LONP2: variants seen among roughly 807,000 people sequenced by gnomAD.
LONP2 encodes the protein lon peptidase 2, peroxisomal, also known as lon protease homolog 2, peroxisomal.
A neutral mutation model predicts 85.6 loss-of-function variants in LONP2; 60 were observed. The ratio of observed to expected loss-of-function variants is 0.70; its 90% confidence interval spans 0.57 to 0.87. The LOEUF (loss-of-function observed/expected upper bound fraction) is 0.87. Ranked by LOEUF, LONP2 falls within the 40% of genes least tolerant of loss-of-function variation. The pLI, the probability that LONP2 is intolerant of heterozygous loss-of-function variation, is 0.00. For synonymous variants in LONP2, 395 were observed against 389.7 expected (o/e 1.01, Z -0.16); for missense variants, 860 against 1,063.5 (o/e 0.81, Z 2.66).
At chr16:48,295,644 A>G (rs1440342075) in intron 8 of LONP2, among the ~76,000 whole-genome samples, 1 of 152,204 alleles carries the variant, frequency 6.6e-6, no homozygotes, top group Non-Finnish European at 1.5e-5. Flanking sequence ...CATTTGCTTT[A>G]TATTCCCATA....
intron 8 of LONP2, among the ~76,000 whole-genome samples, chr16:48,293,315 C>G (rs1419101256): frequency 2.0e-5 from 3 of 152,082 alleles, no homozygotes; most frequent in Admixed American, 2.0e-4. Flanking sequence ...GTAGTCCCAG[C>G]TACTCGGGAG....
Position 48,327,039 on chromosome 16 carries a change from C to A in LONP2, c.1796-7177C>A, listed in dbSNP as rs77564225. ...TCAGCTCTAGAGGATGGCTTAGCCC[C>A]CTTCGGGGGTACACCGCATTTCACT... On this transcript the variant is annotated intron_variant, in intron 11 of 14. Transcript: ENST00000285737. Among the ~76,000 whole-genome samples the A allele has an allele frequency of 5.3e-3, 808 of 152,348 alleles. 7 individuals are homozygous for A. Among genetic ancestry groups the A allele is most frequent in the African/African-American group, 0.019 (771 of 41,576 alleles).
At chr16:48,345,565 T>G (rs1266138965) in intron 12 of LONP2, 1 of 152,226 alleles carries the variant, frequency 6.6e-6, no homozygotes, top group Non-Finnish European at 1.5e-5. Context: ...ACTGATCTCT[T>G]ACATATAGAT....
rs992300234 is a variant in LONP2 at position 48,348,205 on chromosome 16, G to C, written c.2252G>C (p.Cys751Ser). The C allele has an allele frequency of 1.2e-6, 2 of 1,612,516 alleles. No individual in the cohort carries two copies. The highest frequency in any genetic ancestry group is 2.7e-5 in the African/African-American group (2 of 74,820). The change falls in exon 14 of 15, where the codon TGT becomes TCT. Residue 751 changes from cysteine (C) to serine (S), a missense_variant. Transcript: ENST00000285737. Reference protein sequence around the residue: ...GPSAGVTIVTCLASLFSGRLV... With the variant: ...GPSAGVTIVTSLASLFSGRLV... ...TCTGCTGGAGTTACCATAGTAACCT[G>C]TCTCGCCTCACTTTTTAGTGGGCGG...
chr16:48,327,425 C>G (rs542314888), intron 11 of LONP2, among the ~76,000 whole-genome samples: 31 of 152,238 alleles, frequency 2.0e-4, no homozygotes, highest in Non-Finnish European at 3.5e-4. Flanking sequence ...TTTTCAACCT[C>G]TGTTTAACAG....
intron 6 of LONP2, among the ~76,000 whole-genome samples, chr16:48,264,396 A>G (rs1429822383): frequency 6.6e-6 from 1 of 152,200 alleles, no homozygotes; most frequent in East Asian, 1.9e-4. Context: ...GAATTCAGCG[A>G]TATTTCTTCC....
Position 48,293,164 on chromosome 16 carries a change from C to A in LONP2, c.1384-2851C>A, listed in dbSNP as rs369527210. On this transcript the variant is annotated intron_variant, in intron 8 of 14. Coordinates refer to ENST00000285737, the MANE Select transcript of LONP2 (RefSeq NM_031490.5). ...TTTTTTCCGGCCAGGCATGGTGGCTCATGCCTGTAATCCCAGCACTTTGGG... is the reference window on the plus strand; with the variant it reads ...TTTTTTCCGGCCAGGCATGGTGGCTAATGCCTGTAATCCCAGCACTTTGGG... 3.3e-5 allele frequency among the ~76,000 whole-genome samples: 5 copies of A among 152,264 alleles called. No homozygotes were observed. The East Asian group carries it at 9.7e-4, about 29-fold the overall frequency.
At chr16:48,315,732 A>G (rs1221970295) in intron 11 of LONP2, among the ~76,000 whole-genome samples, 1 of 152,008 alleles carries the variant, frequency 6.6e-6, no homozygotes, top group Non-Finnish European at 1.5e-5. Flanking sequence ...GATTTTGGCC[A>G]TTATCTTTTC....
intron 13 of LONP2, among the ~76,000 whole-genome samples, 155 bp downstream of exon 13, chr16:48,347,869 T>C (rs2151033422): frequency 6.6e-6 from 1 of 152,370 alleles, no homozygotes; most frequent in East Asian, 1.9e-4. Context: ...TTCAGGACTA[T>C]TTGACTAGTG....
At chr16:48,258,114 G>A (rs183197351) in intron 3 of LONP2, among the ~76,000 whole-genome samples, 2 of 152,236 alleles carry the variant, frequency 1.3e-5, no homozygotes, top group East Asian at 1.9e-4. Context: ...TTGGGAGGCC[G>A]AGGTGGGAAG....
intron 5 of LONP2, among the ~76,000 whole-genome samples, chr16:48,262,568 G>A (rs1011472926): frequency 6.6e-6 from 1 of 152,220 alleles, no homozygotes; most frequent in Admixed American, 6.5e-5. Flanking sequence ...AGAAGGGGCA[G>A]TTAAGTAGGC....
rs375073937 is a variant in LONP2 at position 48,270,283 on chromosome 16, C to G, written c.1241+9C>G. 6.2e-7 allele frequency: 1 copy of G among 1,612,084 alleles called. No individual in the cohort carries two copies. Among genetic ancestry groups the G allele is most frequent in the Non-Finnish European group, 8.5e-7 (1 of 1,178,576 alleles). ...GACATTCGAGGACACAGGTAGAACA[C>G]TTCTCTCAGTTTAATCTCTGATTCC... On this transcript the variant is annotated intron_variant, in intron 7 of 14. Coordinates refer to ENST00000285737, the MANE Select transcript of LONP2 (RefSeq NM_031490.5).
chr16:48,296,006 C>T lies in LONP2; in HGVS notation c.1384-9C>T. On this transcript the variant is annotated splice_polypyrimidine_tract_variant and intron_variant, in intron 8 of 14. Transcript: ENST00000285737. ...TAAAGTTTTTAAAATGTTTTTTGTT[C>T]TCCCCTAGGTGTTGGATCCTGAACA... The T allele has an allele frequency of 1.2e-6, 2 of 1,603,112 alleles. No homozygotes were observed. The highest frequency in any genetic ancestry group is 1.7e-6 in the Non-Finnish European group (2 of 1,177,082).
chr16:48,298,937 C>A (rs1972738309), intron 9 of LONP2, among the ~76,000 whole-genome samples: 1 of 151,656 alleles, frequency 6.6e-6, no homozygotes, highest in Non-Finnish European at 1.5e-5. Flanking sequence ...GTTGCCCAGG[C>A]TGGAGTGCAG....
At chr16:48,326,557 GC>G (rs1688971010) in intron 11 of LONP2, among the ~76,000 whole-genome samples, 1 of 151,948 alleles carries the variant, frequency 6.6e-6, no homozygotes. Flanking sequence ...ATATCCCAGG[GC>G]CCTCTGTGGT....
chr16:48,356,023 G>A lies in LONP2; in HGVS notation c.*4221G>A, dbSNP rs1333809498. 2 of 152,178 alleles carry A rather than the reference G, an allele frequency of 1.3e-5. No homozygotes were observed. The highest frequency in any genetic ancestry group is 2.9e-5 in the Non-Finnish European group (2 of 68,050). 9.4% of individuals were successfully genotyped at this position (152,178 alleles called of 1,614,324 possible). On this transcript the variant is annotated 3_prime_UTR_variant, in exon 15 of 15. Transcript: ENST00000285737. ...GTTTTTACTTGGCTCTGCCCCTTTA[G>A]TGGTCCCTGTGAACCTTACCTCAAA...
At chr16:48,346,891 C>A (rs1959981578) in intron 12 of LONP2, among the ~76,000 whole-genome samples, 1 of 151,922 alleles carries the variant, frequency 6.6e-6, no homozygotes, top group Admixed American at 6.6e-5. Flanking sequence ...TGGCTCACAC[C>A]TGTAATCCCA....
intron 10 of LONP2, among the ~76,000 whole-genome samples, chr16:48,300,676 C>T (rs980905572): frequency 1.3e-5 from 2 of 148,366 alleles, no homozygotes; most frequent in Non-Finnish European, 3.0e-5. Context: ...GATTTATATA[C>T]AAAGCAGTAA....
chr16:48,256,181 CATTA>C (rs922608633), intron 2 of LONP2, among the ~76,000 whole-genome samples: 36 of 152,176 alleles, frequency 2.4e-4, no homozygotes, highest in Admixed American at 7.8e-4. Context: ...CTCAAATGTT[CATTA>C]ATTATGTGTG....
Sources: gnomAD v4.1 joint callset for allele counts (sites outside exome capture counted in the v4.1 genomes callset) on GRCh38, gnomAD v4.1.1 for gene constraint, MANE v1.5 for transcripts, NCBI Gene and HGNC (gene_info 2026-07-23, HGNC 2026-07-21) for gene names.